Variants in FAS observed in about 807,000 individuals in gnomAD.
FAS encodes tumor necrosis factor receptor superfamily member 6.
Under a neutral mutation model 33.2 loss-of-function variants are expected in FAS, and 5 were observed. That is an observed-to-expected ratio of 0.15 (90% CI 0.08 to 0.32). The LOEUF is 0.32. Ranked by LOEUF, FAS falls within the 10% of genes least tolerant of loss-of-function variation. The probability of loss-of-function intolerance (pLI) is 1.00; values close to 1 mark genes in which losing one functional copy is unlikely to be tolerated. For missense variants in FAS, 339 were observed against 386.0 expected (o/e 0.88, Z 1.02); for synonymous variants, 131 against 130.7 (o/e 1.00, Z -0.01).
rs1041036568 is a variant in FAS at position 89,016,533 on chromosome 10, G to A, written c.*2083G>A. On this transcript the variant is annotated 3_prime_UTR_variant, in exon 9 of 9. Transcript: ENST00000652046. The stretch of plus-strand genomic sequence containing the variant: ...GCAAGAACTTTGAGTTCCTTTGGGA[G>A]GAAGACAGTGGAGAAGTCTTTGTAC... 3.5e-5 allele frequency: 8 copies of A among 226,648 alleles called. No homozygotes were observed. Among genetic ancestry groups the A allele is most frequent in the East Asian group, 1.3e-4 (2 of 15,820 alleles). 14.0% of individuals were successfully genotyped at this position (226,648 alleles called of 1,614,324 possible). A position where few individuals can be genotyped will look rare whatever the true frequency, so the allele number is the denominator to read the frequency against.
chr10:88,975,944 T>C (rs1463436088), intron 2 of FAS, among the ~76,000 whole-genome samples: 3 of 152,186 alleles, frequency 2.0e-5, no homozygotes, highest in Non-Finnish European at 4.4e-5. Flanking sequence ...TCCTCTTCAT[T>C]TGGCTGACAA....
At position 89,016,527 on chromosome 10, in the gene FAS, T is replaced by C. The variant is rs558730172; in HGVS notation, c.*2077T>C. On this transcript the variant is annotated 3_prime_UTR_variant, in exon 9 of 9. Transcript: ENST00000652046. Reference sequence around the variant, plus strand: ...CTCAGAGCAAGAACTTTGAGTTCCTTTGGGAGGAAGACAGTGGAGAAGTCT... The same window carrying C: ...CTCAGAGCAAGAACTTTGAGTTCCTCTGGGAGGAAGACAGTGGAGAAGTCT... The C allele has an allele frequency of 4.4e-6, 1 of 226,494 alleles. No individual in the cohort carries two copies. Among genetic ancestry groups the C allele is most frequent in the Admixed American group, 5.7e-5 (1 of 17,540 alleles). 14.0% of individuals were successfully genotyped at this position (226,494 alleles called of 1,614,324 possible). A position where few individuals can be genotyped will look rare whatever the true frequency, so the allele number is the denominator to read the frequency against.
At position 89,015,892 on chromosome 10, in the gene FAS, G is replaced by A. The variant is rs1848787252; in HGVS notation, c.*1442G>A. On this transcript the variant is annotated 3_prime_UTR_variant, in exon 9 of 9. Transcript: ENST00000652046. ...TCTTTAATGCTTCTTGGATCCCTTA[G>A]AAGGTACTTCCTTTTTAACCTTAAC... The A allele has an allele frequency of 2.9e-6, 1 of 340,192 alleles. No individual in the cohort carries two copies. The highest frequency in any genetic ancestry group is 4.0e-5 in the South Asian group (1 of 25,248). 21.1% of individuals were successfully genotyped at this position (340,192 alleles called of 1,614,324 possible). A position where few individuals can be genotyped will look rare whatever the true frequency, so the allele number is the denominator to read the frequency against.
chr10:88,987,808 T>C, upstream of FAS, among the ~76,000 whole-genome samples: 1 of 152,364 alleles, frequency 6.6e-6, no homozygotes, highest in African/African-American at 2.4e-5. Flanking sequence ...CACTTGGCTA[T>C]TTAGTCAAAC....
chr10:89,003,255 T>C (rs1325801482), intron 2 of FAS, 61 bp downstream of exon 2: 1 of 1,579,988 alleles, frequency 6.3e-7, no homozygotes, highest in African/African-American at 1.3e-5. Flanking sequence ...TAGCACATAG[T>C]AATCATGACT....
intron 1 of FAS, among the ~76,000 whole-genome samples, chr10:88,970,368 G>A (rs1295520665): frequency 2.0e-5 from 3 of 152,064 alleles, no homozygotes; most frequent in Admixed American, 6.6e-5. Flanking sequence ...CCTTTTGAAT[G>A]CAGCAAATTG....
intron 2 of FAS, among the ~76,000 whole-genome samples, chr10:88,977,014 G>A (rs940066737): frequency 1.3e-5 from 2 of 152,172 alleles, no homozygotes; most frequent in African/African-American, 4.8e-5. Context: ...TATCCCAAAG[G>A]AGAAGCTTAT....
chr10:89,001,027 G>C (rs1847896010), intron 1 of FAS, among the ~76,000 whole-genome samples: 1 of 152,228 alleles, frequency 6.6e-6, no homozygotes, highest in Non-Finnish European at 1.5e-5. Flanking sequence ...GCTCCAGCCT[G>C]GGTGACAGAG....
At position 88,969,615 on chromosome 10, in the gene FAS, C is replaced by T. The variant is rs550806503; in HGVS notation, n.95-3567C>T. 2.0e-5 allele frequency among the ~76,000 whole-genome samples: 3 copies of T among 152,134 alleles called. No individual in the cohort carries two copies. The South Asian group carries it at 6.2e-4, about 32-fold the overall frequency. ...TGGTTTACTCCTACTCAAATTGTTT[C>T]TGGCTCTCTGGGATGACCAGTTTCT... On this transcript the variant is annotated intron_variant and non_coding_transcript_variant, in intron 1 of 3. Coordinates refer to the FAS transcript ENST00000688239.
intron 1 of FAS, among the ~76,000 whole-genome samples, chr10:88,991,948 A>G (rs1005254690): frequency 3.3e-5 from 5 of 152,218 alleles, no homozygotes; most frequent in African/African-American, 1.2e-4. Flanking sequence ...ACAAAGTGCC[A>G]GGCATAGCGA....
chr10:88,976,292 T>A (rs1331962414), intron 2 of FAS, among the ~76,000 whole-genome samples: 2 of 152,210 alleles, frequency 1.3e-5, no homozygotes, highest in East Asian at 3.9e-4. Flanking sequence ...CTGGGCTGCA[T>A]GTGGCCCACG....
chr10:88,997,171 T>C (rs1013304873), intron 1 of FAS, among the ~76,000 whole-genome samples: 4 of 152,234 alleles, frequency 2.6e-5, no homozygotes, highest in Non-Finnish European at 5.9e-5. Flanking sequence ...GCCCTGCAAC[T>C]GTGATGAACC....
Position 89,015,933 on chromosome 10 carries a change from A to G in FAS, c.*1483A>G. The G allele has an allele frequency of 3.6e-6, 1 of 278,844 alleles. No homozygotes were observed. The highest frequency in any genetic ancestry group is 4.8e-5 in the Admixed American group (1 of 20,982). The allele number at this position is 278,844 out of a possible 1,614,324, so 17.3% of individuals were successfully genotyped here. A position where few individuals can be genotyped will look rare whatever the true frequency, so the allele number is the denominator to read the frequency against. ...TAACCTTAACCCTTTTAGTAGTTAA[A>G]TAATTATTTCCATAGGTTGCTATTG... On this transcript the variant is annotated 3_prime_UTR_variant, in exon 9 of 9. Transcript: ENST00000652046.
chr10:88,964,454 T>C (rs994370769), intron 1 of FAS, among the ~76,000 whole-genome samples: 4 of 152,142 alleles, frequency 2.6e-5, no homozygotes, highest in African/African-American at 9.7e-5. Context: ...AACAAATACA[T>C]GGGAAACTAA....
chr10:89,008,762 T>C (rs1049945495), intron 3 of FAS, 127 bp from the exon 4 acceptor site: 7 of 858,922 alleles, frequency 8.1e-6, no homozygotes, highest in Non-Finnish European at 1.4e-5. Context: ...ACTGTATTAC[T>C]GGTGTCATGC....
intron 1 of FAS, 130 bp downstream of exon 1, chr10:88,991,036 C>A: frequency 7.7e-7 from 1 of 1,297,982 alleles, no homozygotes; most frequent in Non-Finnish European, 1.1e-6. Flanking sequence ...GAGCGGCGGG[C>A]TGCTGCGGGA....
In FAS at chr10:89,007,707, G is replaced by T. The variant is rs1250810727; in HGVS notation, c.204G>T (p.Arg68Ser). ...FCHKPCPPGE[R>S]KARDCTVNGD... ...CCTTTTTTCCTTGGGCAGGTGAAAG[G>T]AAAGCTAGGGACTGCACAGTCAATG... The change falls in exon 3 of 9, where the codon AGG becomes AGT. Residue 68 changes from arginine to serine, a missense_variant. Arg to Ser is a moderately radical substitution (Grantham distance 110). This residue lies in a region of FAS where 276 missense variants were observed against 300.1 expected (regional missense o/e 0.92). Coordinates refer to ENST00000652046, the MANE Select transcript of FAS (RefSeq NM_000043.6). 6 of 1,613,734 alleles carry T rather than the reference G, an allele frequency of 3.7e-6. No homozygotes were observed. Among genetic ancestry groups the T allele is most frequent in the Admixed American group, 1.7e-5 (1 of 59,934 alleles).
chr10:88,984,675 T>C (rs529361733), upstream of FAS, among the ~76,000 whole-genome samples: 3 of 151,662 alleles, frequency 2.0e-5, no homozygotes, highest in Non-Finnish European at 4.4e-5. Flanking sequence ...TCTTGACTTC[T>C]TATGTTTAGT....
intron 1 of FAS, 86 bp from the exon 2 acceptor site, chr10:89,002,943 C>T (rs1848011377): frequency 2.0e-6 from 3 of 1,464,794 alleles, no homozygotes; most frequent in African/African-American, 1.4e-5. Flanking sequence ...ACAGCAGATA[C>T]TGCCAATTTT....
Sources: allele counts gnomAD v4.1 joint callset (sites outside exome capture counted in the v4.1 genomes callset), GRCh38; gene constraint gnomAD v4.1.1; regional missense constraint gnomAD v4.1.1; transcripts MANE v1.5; gene names NCBI Gene and HGNC (gene_info 2026-07-23, HGNC 2026-07-21).